HSD17B2: variants seen among roughly 807,000 people sequenced by gnomAD.
HSD17B2 encodes 17-beta-hydroxysteroid dehydrogenase type 2.
Under a neutral mutation model 26.9 loss-of-function variants are expected in HSD17B2, and 32 were observed. The ratio of observed to expected loss-of-function variants is 1.19; its 90% CI spans 0.90 to 1.60. The LOEUF is 1.60. HSD17B2 is among the 40% of genes most tolerant of loss of function. HSD17B2 has a pLI of 0.00. For missense variants in HSD17B2, 613 were observed against 468.6 expected, an observed-to-expected ratio of 1.31 and a Z score of -2.85; for synonymous variants, 246 against 186.7, an observed-to-expected ratio of 1.32 and a Z score of -2.59.
At chr16:82,079,763 T>A (rs1425323757) in intron 3 of HSD17B2, among the ~76,000 whole-genome samples, 1 of 152,130 alleles carries the variant, frequency 6.6e-6, no homozygotes, top group East Asian at 1.9e-4. Context: ...AACACAAGGA[T>A]TAGAAAAGTC....
chr16:82,069,827 G>A (rs976826971), intron 2 of HSD17B2, among the ~76,000 whole-genome samples: 4 of 152,146 alleles, frequency 2.6e-5, no homozygotes, highest in African/African-American at 9.7e-5. Context: ...AGGAATGTTA[G>A]TTGGTGACAG....
chr16:82,047,337 C>T (rs865840082), intron 1 of HSD17B2, among the ~76,000 whole-genome samples: 6 of 152,144 alleles, frequency 3.9e-5, no homozygotes, highest in Middle Eastern at 6.3e-3. Flanking sequence ...GAGAAGAAGA[C>T]AATGGCATAG....
intron 3 of HSD17B2, among the ~76,000 whole-genome samples, chr16:82,080,824 C>T (rs1224904097): frequency 1.3e-5 from 2 of 152,212 alleles, no homozygotes; most frequent in Non-Finnish European, 2.9e-5. Flanking sequence ...GAACGCTTAG[C>T]ACTTTATCGC....
chr16:82,096,594 G>A (rs1464972551), intron 4 of HSD17B2: 2 of 151,886 alleles, frequency 1.3e-5, no homozygotes, highest in Non-Finnish European at 2.9e-5. Context: ...ATGCTTATAT[G>A]AGTGTATATA....
At chr16:82,085,365 A>C (rs560359075) in intron 3 of HSD17B2, among the ~76,000 whole-genome samples, 105 of 152,316 alleles carry the variant, frequency 6.9e-4, no homozygotes, top group Admixed American at 3.7e-3. Flanking sequence ...GGGTTGTGTG[A>C]GAGATTTACA....
At chr16:82,068,719 A>T (rs1268509890) in intron 2 of HSD17B2, among the ~76,000 whole-genome samples, 2 of 152,076 alleles carry the variant, frequency 1.3e-5, no homozygotes, top group Non-Finnish European at 1.5e-5. Context: ...TCGAAAAAAA[A>T]TACCTTCATG....
chr16:82,097,145 C>T (rs1904862659), intron 4 of HSD17B2: 1 of 151,886 alleles, frequency 6.6e-6, no homozygotes, highest in Non-Finnish European at 1.5e-5. Context: ...CCTCCCACTT[C>T]AGTCTCCCGA....
Position 82,040,616 on chromosome 16 carries a change from T to C in HSD17B2, c.265+4927T>C, listed in dbSNP as rs532336746. Among the ~76,000 whole-genome samples the C allele has an allele frequency of 5.3e-5, 8 of 152,360 alleles. No individual in the cohort carries two copies. The East Asian group carries it at 1.5e-3, about 29-fold the overall frequency. Reference sequence around the variant, plus strand: ...TGTCCATTCAATCAACAAGTAAATATTGAACATCTGTTATGTGCCCATGAC... The same window carrying C: ...TGTCCATTCAATCAACAAGTAAATACTGAACATCTGTTATGTGCCCATGAC... On this transcript the variant is annotated intron_variant, in intron 1 of 4. Transcript: ENST00000199936.
chr16:82,058,401 C>T (rs929188498), intron 1 of HSD17B2, among the ~76,000 whole-genome samples: 10 of 151,930 alleles, frequency 6.6e-5, no homozygotes, highest in African/African-American at 1.2e-4. Context: ...AAACTGTATG[C>T]GAAGTATTTG....
chr16:82,057,093 T>C (rs765559077), intron 1 of HSD17B2, among the ~76,000 whole-genome samples: 2 of 152,170 alleles, frequency 1.3e-5, no homozygotes, highest in Non-Finnish European at 2.9e-5. Flanking sequence ...TTGAACTAAT[T>C]AATAAGCGAG....
intron 4 of HSD17B2, chr16:82,094,001 T>G (rs774460113): frequency 1.3e-4 from 20 of 152,314 alleles, no homozygotes; most frequent in Non-Finnish European, 2.8e-4. Context: ...GCATTATAAG[T>G]AGCATATAAT....
intron 1 of HSD17B2, among the ~76,000 whole-genome samples, chr16:82,041,910 G>A (rs1913776018): frequency 6.6e-6 from 1 of 151,714 alleles, no homozygotes; most frequent in Admixed American, 6.6e-5. Flanking sequence ...CATATTTCCA[G>A]AATTTTAGCC....
chr16:82,069,732 G>A (rs975220630), intron 2 of HSD17B2, among the ~76,000 whole-genome samples: 3 of 152,188 alleles, frequency 2.0e-5, no homozygotes, highest in African/African-American at 7.2e-5. Context: ...CTATGCTGGG[G>A]TCCAGGATGG....
At chr16:82,058,865 A>G (rs938352332) in intron 1 of HSD17B2, among the ~76,000 whole-genome samples, 2 of 152,204 alleles carry the variant, frequency 1.3e-5, no homozygotes, top group Non-Finnish European at 2.9e-5. Flanking sequence ...GAATGGGTCC[A>G]GGGAGCGAGT....
intron 1 of HSD17B2, among the ~76,000 whole-genome samples, chr16:82,045,907 G>A (rs1913912205): frequency 1.3e-5 from 2 of 152,220 alleles, no homozygotes; most frequent in South Asian, 4.1e-4. Context: ...TTTACCCTGA[G>A]CTGTCTTTTT....
intron 1 of HSD17B2, among the ~76,000 whole-genome samples, chr16:82,045,330 C>G (rs947294666): frequency 2.0e-5 from 3 of 152,014 alleles, no homozygotes; most frequent in Non-Finnish European, 4.4e-5. Context: ...TATACAGTAT[C>G]TAAATGAAGA....
chr16:82,038,410 C>CA (rs1244264243), intron 1 of HSD17B2, among the ~76,000 whole-genome samples: 1 of 152,106 alleles, frequency 6.6e-6, no homozygotes, highest in Admixed American at 6.6e-5. Context: ...AGTGCAGTGG[C>CA]ATGATCTCAG....
chr16:82,053,028 A>T (rs930514580), intron 1 of HSD17B2, among the ~76,000 whole-genome samples: 2 of 152,226 alleles, frequency 1.3e-5, no homozygotes, highest in African/African-American at 2.4e-5. Context: ...TTATGACCTT[A>T]TCTAGACCTA....
chr16:82,060,065 T>A (rs1914389601), intron 1 of HSD17B2, among the ~76,000 whole-genome samples: 1 of 152,248 alleles, frequency 6.6e-6, no homozygotes, highest in Non-Finnish European at 1.5e-5. Context: ...TATTTTGACC[T>A]CAGGGCAGTC....
Sources: allele counts gnomAD v4.1 joint callset (sites outside exome capture counted in the v4.1 genomes callset), GRCh38; gene constraint gnomAD v4.1.1; transcripts MANE v1.5; gene names NCBI Gene and HGNC (gene_info 2026-07-23, HGNC 2026-07-21).